Variants in LRP1B observed in about 807,000 individuals in gnomAD.
The protein encoded by LRP1B is LDL receptor related protein 1B.
Under a neutral mutation model 556.6 loss-of-function variants are expected in LRP1B, and 217 were observed. That is an observed-to-expected ratio of 0.39 (90% confidence interval 0.35 to 0.44). The LOEUF (loss-of-function observed/expected upper bound fraction) is 0.44. LRP1B is among the 20% of genes least tolerant of loss of function. The pLI, the probability that LRP1B is intolerant of heterozygous loss-of-function variation, is 1.00. For missense variants in LRP1B, 5,053 were observed against 5,620.8 expected, an observed-to-expected ratio of 0.90 and a Z score of 3.23; for synonymous variants, 2,047 against 1,865.8, an observed-to-expected ratio of 1.10 and a Z score of -2.50.
intron 3 of LRP1B, among the ~76,000 whole-genome samples, chr2:141,448,366 T>G (rs945964240): frequency 6.6e-6 from 1 of 152,164 alleles, no homozygotes; most frequent in Non-Finnish European, 1.5e-5. Flanking sequence ...TGGGGTGGGA[T>G]CTGCTGAGCA....
chr2:141,134,615 G>GA (rs1053530127), intron 7 of LRP1B, among the ~76,000 whole-genome samples: 7 of 146,770 alleles, frequency 4.8e-5, no homozygotes, highest in African/African-American at 1.2e-4. Flanking sequence ...TCATTAAATG[G>GA]AAAAAAAAAG....
At chr2:141,553,053 T>A (rs1034704088) in intron 2 of LRP1B, among the ~76,000 whole-genome samples, 1 of 151,796 alleles carries the variant, frequency 6.6e-6, no homozygotes, top group Non-Finnish European at 1.5e-5. Flanking sequence ...GTGTCAGGCT[T>A]TTCCTGTCTA....
chr2:140,404,135 A>C (rs1478573067), intron 66 of LRP1B, among the ~76,000 whole-genome samples: 4 of 151,914 alleles, frequency 2.6e-5, no homozygotes, highest in Non-Finnish European at 5.9e-5. Context: ...TAAATCTTGA[A>C]ACAAAAGCTG....
chr2:140,241,212 AATTT>A (rs1680934507), intron 87 of LRP1B, among the ~76,000 whole-genome samples: 1 of 150,822 alleles, frequency 6.6e-6, no homozygotes. Context: ...TAGCAGCTGT[AATTT>A]ATTAGCAATT....
intron 31 of LRP1B, among the ~76,000 whole-genome samples, chr2:140,833,513 C>G (rs184513610): frequency 6.6e-6 from 1 of 152,160 alleles, no homozygotes; most frequent in Non-Finnish European, 1.5e-5. Flanking sequence ...CTTAATATTA[C>G]AAGTGTTTTG....
chr2:142,034,345 C>G (rs1435692989), intron 1 of LRP1B, among the ~76,000 whole-genome samples: 1 of 151,468 alleles, frequency 6.6e-6, no homozygotes, highest in African/African-American at 2.4e-5. Context: ...TTTGCTTTAC[C>G]TCTACACATA....
chr2:140,582,060 G>A lies in LRP1B; in HGVS notation c.7194+16571C>T, dbSNP rs563965574. ...AATTATCTCAGATATTCTGAATCAGGTGAGAGAACATGGTCGTGACACACA... is the reference window on the plus strand; with the variant it reads ...AATTATCTCAGATATTCTGAATCAGATGAGAGAACATGGTCGTGACACACA... On this transcript the variant is annotated intron_variant, in intron 43 of 90. Transcript: ENST00000389484. 3.3e-5 allele frequency among the ~76,000 whole-genome samples: 5 copies of A among 152,164 alleles called. No homozygotes were observed. The East Asian group carries it at 9.7e-4, about 29-fold the overall frequency.
In LRP1B at chr2:140,306,489, C is replaced by G. The variant is rs192333129; in HGVS notation, c.12805+8446G>C. Among the ~76,000 whole-genome samples the G allele has an allele frequency of 9.3e-3, 1,420 of 151,998 alleles. 11 individuals are homozygous for G. The highest frequency in any genetic ancestry group is 0.011 in the Non-Finnish European group (769 of 67,960). ...ATGGTAGTTTGTATTTCTGTGGGAT[C>G]GGTGGTGATATCCCCTTTATTGTTT... On this transcript the variant is annotated intron_variant, in intron 83 of 90. Coordinates refer to ENST00000389484, the MANE Select transcript of LRP1B (RefSeq NM_018557.3).
chr2:140,257,095 G>A (rs958647016), intron 86 of LRP1B, among the ~76,000 whole-genome samples: 15 of 151,882 alleles, frequency 9.9e-5, no homozygotes, highest in African/African-American at 3.1e-4. Context: ...AGCAAATTTT[G>A]CTGGTAAGCA....
chr2:140,485,556 G>A (rs373410030), intron 58 of LRP1B, 32 bp from the exon 59 acceptor site: 12 of 1,525,974 alleles, frequency 7.9e-6, no homozygotes, highest in East Asian at 4.6e-5. Flanking sequence ...GGTTAACAGC[G>A]TAAATCCCTA....
chr2:141,783,018 G>T (rs942080397), intron 2 of LRP1B, among the ~76,000 whole-genome samples: 1 of 152,054 alleles, frequency 6.6e-6, no homozygotes, highest in Non-Finnish European at 1.5e-5. Flanking sequence ...GTGGAGAAAT[G>T]GAGATGTAGC....
intron 1 of LRP1B, among the ~76,000 whole-genome samples, chr2:142,126,107 G>A (rs1707641242): frequency 6.6e-6 from 1 of 151,660 alleles, no homozygotes; most frequent in Admixed American, 6.6e-5. Flanking sequence ...ATAAGCATTG[G>A]GTATACCATA....
intron 43 of LRP1B, among the ~76,000 whole-genome samples, chr2:140,582,656 A>T (rs1681819528): frequency 6.6e-6 from 1 of 152,162 alleles, no homozygotes; most frequent in Non-Finnish European, 1.5e-5. Flanking sequence ...ATGCAACAAT[A>T]AAGCACCGTC....
At chr2:140,572,357 C>T (rs1190291600) in intron 43 of LRP1B, among the ~76,000 whole-genome samples, 1 of 151,106 alleles carries the variant, frequency 6.6e-6, no homozygotes, top group Non-Finnish European at 1.5e-5. Context: ...TCTCAAAAGA[C>T]GACATGCAAA....
At chr2:142,118,402 C>T (rs1296328930) in intron 1 of LRP1B, among the ~76,000 whole-genome samples, 3 of 152,098 alleles carry the variant, frequency 2.0e-5, no homozygotes, top group Admixed American at 6.6e-5. Context: ...GGTGTCTCCC[C>T]AGCTTCACAG....
intron 2 of LRP1B, among the ~76,000 whole-genome samples, chr2:141,511,411 A>T (rs1225761704): frequency 6.6e-6 from 1 of 152,126 alleles, no homozygotes; most frequent in African/African-American, 2.4e-5. Context: ...ATATTTTTTT[A>T]GATTCATGTT....
chr2:140,847,672 TAGG>T (rs1006089195), intron 29 of LRP1B, among the ~76,000 whole-genome samples: 2 of 150,650 alleles, frequency 1.3e-5, no homozygotes, highest in Non-Finnish European at 3.0e-5. Context: ...GAGGCTGAGG[TAGG>T]AGAATAGCTT....
At chr2:141,356,935 C>T (rs1188072726) in intron 3 of LRP1B, among the ~76,000 whole-genome samples, 1 of 152,152 alleles carries the variant, frequency 6.6e-6, no homozygotes, top group Non-Finnish European at 1.5e-5. Context: ...GTTTCACCAG[C>T]CTCCCTTTCA....
At chr2:141,567,345 A>T (rs948924078) in intron 2 of LRP1B, among the ~76,000 whole-genome samples, 2 of 152,210 alleles carry the variant, frequency 1.3e-5, no homozygotes, top group African/African-American at 2.4e-5. Flanking sequence ...TTACCTAAAA[A>T]TAACTACTTC....
Sources: allele counts gnomAD v4.1 joint callset (sites outside exome capture counted in the v4.1 genomes callset), GRCh38; gene constraint gnomAD v4.1.1; transcripts MANE v1.5; gene names NCBI Gene and HGNC (gene_info 2026-07-23, HGNC 2026-07-21).